Variants in BMP6 observed in about 807,000 individuals in gnomAD.
The protein encoded by BMP6 is bone morphogenetic protein 6.
BMP6 carries 17 observed loss-of-function variants against 54.1 expected under a neutral mutation model. The ratio of observed to expected loss-of-function variants is 0.31; its 90% CI spans 0.22 to 0.47. BMP6 has a LOEUF of 0.47. Among genes scored for constraint, BMP6 ranks in the 20% least tolerant of loss-of-function variants. The pLI, the probability that BMP6 is intolerant of heterozygous loss-of-function variation, is 1.00. For missense variants in BMP6, 720 were observed against 690.4 expected, an observed-to-expected ratio of 1.04 and a Z score of -0.48; for synonymous variants, 328 against 291.2, an observed-to-expected ratio of 1.13 and a Z score of -1.28.
chr6:7,865,220 C>A (rs906642156), intron 4 of BMP6, among the ~76,000 whole-genome samples: 2 of 152,062 alleles, frequency 1.3e-5, no homozygotes, highest in African/African-American at 4.8e-5. Context: ...TATGGATATT[C>A]AAGTTGATCT....
chr6:7,876,527 G>A (rs1759617541), intron 4 of BMP6, among the ~76,000 whole-genome samples: 1 of 152,110 alleles, frequency 6.6e-6, no homozygotes, highest in South Asian at 2.1e-4. Flanking sequence ...AGACAGTCAT[G>A]TATTTTGGCC....
chr6:7,809,186 G>T (rs1046479271), intron 1 of BMP6, among the ~76,000 whole-genome samples: 1 of 144,646 alleles, frequency 6.9e-6, no homozygotes. Context: ...TAAAAACTTT[G>T]GGCTGGAGTT....
intron 1 of BMP6, among the ~76,000 whole-genome samples, chr6:7,782,923 C>T (rs926443806): frequency 2.0e-5 from 3 of 151,944 alleles, no homozygotes; most frequent in Non-Finnish European, 4.4e-5. Context: ...ATATGAGATC[C>T]TAAAATATGA....
At chr6:7,795,952 A>T (rs925233996) in intron 1 of BMP6, among the ~76,000 whole-genome samples, 2 of 152,160 alleles carry the variant, frequency 1.3e-5, no homozygotes, top group African/African-American at 2.4e-5. Flanking sequence ...CATATGTTGA[A>T]TTTGAGGTAT....
chr6:7,735,657 AC>A (rs1263768436), intron 1 of BMP6, among the ~76,000 whole-genome samples: 1 of 152,018 alleles, frequency 6.6e-6, no homozygotes, highest in Non-Finnish European at 1.5e-5. Flanking sequence ...TTTCCCAGGT[AC>A]CCCCTGCCCC....
chr6:7,785,102 C>G (rs1758002516), intron 1 of BMP6, among the ~76,000 whole-genome samples: 2 of 152,178 alleles, frequency 1.3e-5, no homozygotes. Context: ...GGGGGCCCCT[C>G]AAGGTTGAAG....
chr6:7,768,761 TAATC>T (rs1310204887), intron 1 of BMP6, among the ~76,000 whole-genome samples: 3 of 152,344 alleles, frequency 2.0e-5, no homozygotes, highest in Admixed American at 2.0e-4. Flanking sequence ...AGTGCCGATT[TAATC>T]AATCCTGCAT....
intron 1 of BMP6, among the ~76,000 whole-genome samples, chr6:7,811,266 A>C (rs1758431754): frequency 6.6e-6 from 1 of 152,154 alleles, no homozygotes; most frequent in Admixed American, 6.5e-5. Context: ...CCAGGTGAAC[A>C]GAGCTGCTCC....
At chr6:7,828,309 C>T (rs267177) in intron 1 of BMP6, among the ~76,000 whole-genome samples, 60,460 of 152,042 alleles carry the variant, frequency 0.4, 12,595 homozygotes, top group East Asian at 0.73. Flanking sequence ...TTTGCAAGGA[C>T]GTGGGGATCC....
intron 1 of BMP6, among the ~76,000 whole-genome samples, chr6:7,819,130 A>G (rs1212734266): frequency 6.6e-6 from 1 of 152,148 alleles, no homozygotes; most frequent in South Asian, 2.1e-4. Flanking sequence ...GTGAGTACAT[A>G]TGTGAGTGTG....
intron 1 of BMP6, among the ~76,000 whole-genome samples, chr6:7,740,159 A>G (rs1581227899): frequency 6.6e-6 from 1 of 151,960 alleles, no homozygotes; most frequent in African/African-American, 2.4e-5. Context: ...CTCCCAGGTG[A>G]CCTGCCACCA....
intron 1 of BMP6, among the ~76,000 whole-genome samples, chr6:7,805,126 G>C (rs933681478): frequency 6.6e-6 from 1 of 152,030 alleles, no homozygotes; most frequent in African/African-American, 2.4e-5. Context: ...TCAATGTTTT[G>C]TCCCTAGTCT....
chr6:7,798,397 C>T (rs930684228), intron 1 of BMP6, among the ~76,000 whole-genome samples: 2 of 152,236 alleles, frequency 1.3e-5, no homozygotes. Flanking sequence ...GAGGTCAAGT[C>T]CCTGTTCGCA....
rs182316870 is a variant in BMP6 at position 7,841,769 on chromosome 6, T to C, written c.665-3371T>C. On this transcript the variant is annotated intron_variant, in intron 1 of 6. Transcript: ENST00000283147. The stretch of plus-strand genomic sequence containing the variant: ...GACACTAAGGAAGCCGTGCATCTTT[T>C]CTAAGAAGGATAAAGGAAAAGAAAG... 8.5e-5 allele frequency among the ~76,000 whole-genome samples: 13 copies of C among 152,336 alleles called. No individual in the cohort carries two copies. In the East Asian group the frequency reaches 1.9e-3, roughly 23 times the overall value.
At position 7,727,558 on chromosome 6, in the gene BMP6, C is replaced by G. The variant is rs1337789803; in HGVS notation, c.603C>G (p.Thr201=). 6.3e-7 allele frequency: 1 copy of G among 1,593,600 alleles called. No homozygotes were observed. The highest frequency in any genetic ancestry group is 1.1e-5 in the South Asian group (1 of 90,046). The change falls in exon 1 of 7, where the codon ACC becomes ACG. Residue 201 remains threonine (T), a synonymous_variant. Coordinates refer to ENST00000283147, the MANE Select transcript of BMP6 (RefSeq NM_001718.6). ...GSGSGGASPL[T]SAQDSAFLND... ...GCAGCGGCGGCGCGTCCCCACTGAC[C>G]AGCGCGCAGGACAGCGCCTTCCTCA...
intron 4 of BMP6, among the ~76,000 whole-genome samples, chr6:7,875,293 G>A (rs557997236): frequency 2.0e-5 from 3 of 152,146 alleles, no homozygotes; most frequent in East Asian, 1.9e-4. Flanking sequence ...ATACCTATCC[G>A]TGTTGGTGAG....
chr6:7,851,752 G>C (rs1192405440), intron 2 of BMP6, among the ~76,000 whole-genome samples: 6 of 151,826 alleles, frequency 4.0e-5, no homozygotes, highest in Admixed American at 2.6e-4. Flanking sequence ...TCTATTTCTA[G>C]TATTCTAAGA....
intron 4 of BMP6, among the ~76,000 whole-genome samples, chr6:7,872,425 C>T (rs1478752705): frequency 6.6e-6 from 1 of 152,092 alleles, no homozygotes; most frequent in Non-Finnish European, 1.5e-5. Flanking sequence ...CAGCACTTAA[C>T]ATGGAATTAT....
intron 1 of BMP6, among the ~76,000 whole-genome samples, chr6:7,749,238 A>C (rs528147248): frequency 5.3e-5 from 8 of 152,360 alleles, no homozygotes; most frequent in African/African-American, 1.7e-4. Context: ...AGGAAAATTC[A>C]GTATTTTTCT....
Sources: allele counts gnomAD v4.1 joint callset (sites outside exome capture counted in the v4.1 genomes callset), GRCh38; gene constraint gnomAD v4.1.1; transcripts MANE v1.5; gene names NCBI Gene and HGNC (gene_info 2026-07-23, HGNC 2026-07-21).